GRIA3: variants seen among roughly 807,000 people sequenced by gnomAD.
The protein encoded by GRIA3 is glutamate ionotropic receptor AMPA type subunit 3, also known as glutamate receptor 3.
In GRIA3, 3 loss-of-function variants were observed where a neutral mutation model predicts 63.0. The ratio of observed to expected loss-of-function variants is 0.05; its 90% CI spans 0.02 to 0.12. The LOEUF (loss-of-function observed/expected upper bound fraction) is 0.12. GRIA3 is among the 10% of genes least tolerant of loss of function. GRIA3 has a pLI of 1.00. For missense variants in GRIA3, 347 were observed against 700.9 expected (o/e 0.50, Z 5.70); for synonymous variants, 274 against 257.9 (o/e 1.06, Z -0.60).
intron 9 of GRIA3, 141 bp downstream of exon 9, chrX:123,403,660 A>G: frequency 1.9e-6 from 1 of 520,260 alleles, no homozygotes; most frequent in South Asian, 2.6e-5. Flanking sequence ...CTCTCAAAGT[A>G]TCTTGCCATG....
At chrX:123,427,755 T>C (rs1432344444) in intron 11 of GRIA3, among the ~76,000 whole-genome samples, 186 bp from the exon 12 acceptor site, 1 of 111,288 alleles carries the variant, frequency 9.0e-6, no homozygotes, top group African/African-American at 3.3e-5. Context: ...TAGTATGCCA[T>C]CATGACATGG....
intron 5 of GRIA3, among the ~76,000 whole-genome samples, chrX:123,386,958 A>G (rs2045357702): frequency 1.4e-5 from 1 of 70,731 alleles, no homozygotes; most frequent in Non-Finnish European, 2.7e-5. Context: ...ATTCATTCCA[A>G]GTGAATTTTA....
intron 2 of GRIA3, among the ~76,000 whole-genome samples, chrX:123,211,772 T>G (rs1928048104): frequency 1.8e-5 from 2 of 111,741 alleles, no homozygotes; most frequent in African/African-American, 6.5e-5. Context: ...CAAAACTTGT[T>G]AATTTATACA....
intron 5 of GRIA3, among the ~76,000 whole-genome samples, chrX:123,361,757 T>C (rs191874688): frequency 2.1e-3 from 233 of 111,422 alleles, no homozygotes; most frequent in Non-Finnish European, 3.6e-3. Flanking sequence ...CCCAATGTTA[T>C]AGCAAGATGA....
At chrX:123,486,762 G>C (rs1454395020) in intron 15 of GRIA3, among the ~76,000 whole-genome samples, 1 of 111,754 alleles carries the variant, frequency 8.9e-6, no homozygotes, top group African/African-American at 3.3e-5. Context: ...TAGGCTTCCA[G>C]TTCTCTGAGT....
chrX:123,265,161 C>T (rs772350242), intron 3 of GRIA3, among the ~76,000 whole-genome samples: 13 of 111,416 alleles, frequency 1.2e-4, no homozygotes, highest in Non-Finnish European at 1.7e-4. Flanking sequence ...AAAAAAAATA[C>T]GTAAATACAA....
intron 12 of GRIA3, among the ~76,000 whole-genome samples, chrX:123,428,415 G>C (rs1246343772): frequency 9.0e-6 from 1 of 111,145 alleles, no homozygotes; most frequent in East Asian, 2.8e-4. Flanking sequence ...TTTGTCCTTG[G>C]GCAAGCCATT....
intron 4 of GRIA3, among the ~76,000 whole-genome samples, chrX:123,344,594 C>T (rs1008302075): frequency 1.8e-5 from 2 of 111,874 alleles, no homozygotes; most frequent in Non-Finnish European, 3.8e-5. Context: ...ACTAGTTCTT[C>T]ATAGAATCAC....
intron 12 of GRIA3, among the ~76,000 whole-genome samples, chrX:123,450,008 G>A (rs907092011): frequency 8.9e-6 from 1 of 111,977 alleles, no homozygotes; most frequent in Admixed American, 9.5e-5. Context: ...TGGATGTGGG[G>A]TCATGTTACC....
At chrX:123,373,598 T>C (rs1428308755) in intron 5 of GRIA3, among the ~76,000 whole-genome samples, 2 of 112,392 alleles carry the variant, frequency 1.8e-5, no homozygotes, top group Admixed American at 9.4e-5. Flanking sequence ...ATTTCTCTGA[T>C]GACCAGTGAT....
In GRIA3 at chrX:123,275,285, T is replaced by C. The variant is rs151305231; in HGVS notation, c.508+21743T>C. On this transcript the variant is annotated intron_variant, in intron 3 of 15. Transcript: ENST00000620443. ...ATCCTGATGACAATCCTATGAGGAC[T>C]GTCATCCACATTTTATGGGACACAG... is the stretch of plus-strand genomic sequence containing the variant. Among the ~76,000 whole-genome samples the C allele has an allele frequency of 1.5e-3, 171 of 112,306 alleles. 2 individuals are homozygous for C. The highest frequency in any genetic ancestry group is 5.3e-3 in the African/African-American group (163 of 30,986).
At chrX:123,281,597 T>C (rs910480618) in intron 3 of GRIA3, among the ~76,000 whole-genome samples, 5 of 111,631 alleles carry the variant, frequency 4.5e-5, no homozygotes, top group Non-Finnish European at 9.4e-5. Flanking sequence ...CATGGTACCT[T>C]AAACCTAGCC....
Position 123,318,298 on chromosome X carries a change from C to A in GRIA3, c.509-7728C>A, listed in dbSNP as rs140861103. On this transcript the variant is annotated intron_variant, in intron 3 of 15. Coordinates refer to ENST00000620443, the MANE Select transcript of GRIA3 (RefSeq NM_007325.5). Reference sequence around the variant, plus strand: ...CATGGTCTTGGGGATTAACGTTAGGCTCCTTGCTATTTATGCAAATTTCTG... The same window carrying A: ...CATGGTCTTGGGGATTAACGTTAGGATCCTTGCTATTTATGCAAATTTCTG... Among the ~76,000 whole-genome samples, 11 of 112,342 alleles carry A rather than the reference C, an allele frequency of 9.8e-5. No homozygotes were observed. The East Asian group carries it at 3.1e-3, about 32-fold the overall frequency.
chrX:123,318,820 C>T (rs1201237802), intron 3 of GRIA3, among the ~76,000 whole-genome samples: 1 of 111,678 alleles, frequency 9.0e-6, no homozygotes, highest in East Asian at 2.8e-4. Flanking sequence ...TTCAGCAACG[C>T]CCCACTCTAC....
chrX:123,480,283 C>T, intron 14 of GRIA3, 106 bp downstream of exon 14: 2 of 530,657 alleles, frequency 3.8e-6, no homozygotes. Context: ...CTCCCTGACA[C>T]AGTGGGACCC....
intron 12 of GRIA3, among the ~76,000 whole-genome samples, chrX:123,440,953 A>T (rs1437282252): frequency 9.0e-6 from 1 of 111,719 alleles, no homozygotes; most frequent in Non-Finnish European, 1.9e-5. Flanking sequence ...TTCTTGTATC[A>T]GTCAGTAACA....
At chrX:123,343,589 A>AC (rs1569422547) in intron 4 of GRIA3, among the ~76,000 whole-genome samples, 53 of 107,173 alleles carry the variant, frequency 4.9e-4, no homozygotes, top group Middle Eastern at 4.8e-3. Context: ...GAGAGAGAGA[A>AC]AGACAGAGAG....
intron 5 of GRIA3, among the ~76,000 whole-genome samples, chrX:123,356,579 C>T (rs1355993511): frequency 1.8e-5 from 2 of 111,799 alleles, no homozygotes; most frequent in Admixed American, 1.9e-4. Flanking sequence ...TTACTTCAAA[C>T]AGGGCTAAAA....
intron 12 of GRIA3, among the ~76,000 whole-genome samples, chrX:123,442,389 C>T (rs552814502): frequency 8.9e-6 from 1 of 112,009 alleles, no homozygotes; most frequent in South Asian, 3.7e-4. Context: ...TTTTAAAGAT[C>T]GACTGGACTG....
Sources: allele counts gnomAD v4.1 joint callset (sites outside exome capture counted in the v4.1 genomes callset), GRCh38; gene constraint gnomAD v4.1.1; transcripts MANE v1.5; gene names NCBI Gene and HGNC (gene_info 2026-07-23, HGNC 2026-07-21).